The following SPATA6 variants were observed in gnomAD, a reference collection of about 807,000 sequenced individuals.
SPATA6 encodes spermatogenesis associated 6, also known as spermatogenesis-associated protein 6.
A neutral mutation model predicts 65.3 loss-of-function variants in SPATA6; 56 were observed. That is an observed-to-expected ratio of 0.86 (90% CI 0.69 to 1.07). The LOEUF (loss-of-function observed/expected upper bound fraction) is 1.07, where lower values mean the gene tolerates loss of function less well. Ranked by LOEUF, SPATA6 falls within the 50% of genes least tolerant of loss-of-function variation. The probability of loss-of-function intolerance (pLI) is 0.00; values close to 1 mark genes in which losing one functional copy is unlikely to be tolerated. For synonymous variants in SPATA6, 199 were observed against 213.2 expected (o/e 0.93, Z 0.58); for missense variants, 590 against 594.8 (o/e 0.99, Z 0.08).
chr1:48,387,820 C>T (rs1467960289), intron 8 of SPATA6, among the ~76,000 whole-genome samples: 5 of 152,202 alleles, frequency 3.3e-5, no homozygotes, highest in Non-Finnish European at 7.3e-5. Flanking sequence ...GTATACAACA[C>T]CTTCAAGCCT....
chr1:48,418,259 A>G (rs1465995594), intron 3 of SPATA6, among the ~76,000 whole-genome samples: 2 of 152,134 alleles, frequency 1.3e-5, no homozygotes, highest in South Asian at 2.1e-4. Flanking sequence ...TTATCAATAA[A>G]TGGAAGAACA....
chr1:48,335,419 A>G (rs1431297760), intron 11 of SPATA6, among the ~76,000 whole-genome samples: 1 of 152,106 alleles, frequency 6.6e-6, no homozygotes, highest in Non-Finnish European at 1.5e-5. Context: ...CCAAAATACC[A>G]TGGTACTCAT....
At chr1:48,267,763 T>G in the SPATA6 span, among the ~76,000 whole-genome samples, 1 of 133,512 alleles carries the variant, frequency 7.5e-6, no homozygotes, top group South Asian at 2.8e-4. Flanking sequence ...TTTTTTTTTT[T>G]TTTTTTTTTT....
chr1:48,451,597 A>G lies in SPATA6; in HGVS notation c.193T>C (p.Phe65Leu), dbSNP rs777508464. The G allele has an allele frequency of 9.9e-6, 16 of 1,612,168 alleles. No homozygotes were observed. The highest frequency in any genetic ancestry group is 1.4e-5 in the Non-Finnish European group (16 of 1,179,224). ...TCTCCAGGATCTACTGCGTCCGGGA[A>G]CACCTATAGTGAGACGATACAGGGA... ...FNARMVFEKV[F>L]PDAVDPGDVV... Residue 65 changes from phenylalanine to leucine, a missense_variant, in exon 3 of 13, where the codon TTC (phenylalanine) becomes CTC (leucine). Phe to Leu is a conservative substitution (Grantham distance 22, BLOSUM62 0). Transcript: ENST00000371847.
In SPATA6 at chr1:48,388,202, A is replaced by G. The variant is rs1372538848; in HGVS notation, c.869-2853T>C. On this transcript the variant is annotated intron_variant, in intron 8 of 12. Coordinates refer to ENST00000371847, the MANE Select transcript of SPATA6 (RefSeq NM_019073.4). ...CCACTAGTAATTGCACACTAAGCCA[A>G]TGAGCAAGTCTCAGATACCACGGAT... Among the ~76,000 whole-genome samples the G allele has an allele frequency of 2.6e-5, 4 of 152,104 alleles. No homozygotes were observed. In the South Asian group the frequency reaches 6.2e-4, roughly 24 times the overall value.
At chr1:48,373,474 C>G (rs1397097935) in intron 9 of SPATA6, among the ~76,000 whole-genome samples, 1 of 152,210 alleles carries the variant, frequency 6.6e-6, no homozygotes, top group South Asian at 2.1e-4. Context: ...TCCAAACTTT[C>G]CCACATTTTC....
chr1:48,376,825 T>A (rs2148874701), intron 9 of SPATA6, among the ~76,000 whole-genome samples: 1 of 152,294 alleles, frequency 6.6e-6, no homozygotes, highest in Non-Finnish European at 1.5e-5. Flanking sequence ...GCTACAAACC[T>A]GTACAACTTG....
chr1:48,466,813 T>G (rs1478333057), intron 1 of SPATA6, among the ~76,000 whole-genome samples: 1 of 152,006 alleles, frequency 6.6e-6, no homozygotes, highest in Non-Finnish European at 1.5e-5. Context: ...AGATGAGTAG[T>G]GACTGAAAGA....
At chr1:48,374,432 C>T (rs1647652892) in intron 9 of SPATA6, among the ~76,000 whole-genome samples, 1 of 152,122 alleles carries the variant, frequency 6.6e-6, no homozygotes, top group Admixed American at 6.5e-5. Context: ...GACATGAGAA[C>T]TGAGACCATT....
At chr1:48,469,477 TATATA>T (rs1658066756) in intron 1 of SPATA6, among the ~76,000 whole-genome samples, 3 of 7,052 alleles carry the variant, frequency 4.3e-4, no homozygotes, top group African/African-American at 1.0e-3. Flanking sequence ...TCTATTTATA[TATATA>T]TATATATATA....
At chr1:48,373,596 C>G (rs193117134) in intron 9 of SPATA6, among the ~76,000 whole-genome samples, 2 of 152,148 alleles carry the variant, frequency 1.3e-5, no homozygotes, top group Non-Finnish European at 1.5e-5. Flanking sequence ...CTACTGGTAA[C>G]AATTTACTGT....
chr1:48,331,842 C>T (rs1216800384), intron 11 of SPATA6, among the ~76,000 whole-genome samples: 4 of 152,302 alleles, frequency 2.6e-5, no homozygotes, highest in South Asian at 4.1e-4. Context: ...AGGTCACTCA[C>T]TAGGGGAACC....
intron 11 of SPATA6, among the ~76,000 whole-genome samples, chr1:48,339,564 T>C (rs181266594): frequency 2.0e-3 from 301 of 151,908 alleles, no homozygotes; most frequent in Admixed American, 6.6e-3. Flanking sequence ...CTTGGAAAAA[T>C]TGGTATCTAT....
chr1:48,330,829 T>C (rs1299718261), intron 11 of SPATA6, among the ~76,000 whole-genome samples: 1 of 151,928 alleles, frequency 6.6e-6, no homozygotes, highest in East Asian at 1.9e-4. Context: ...ACCCCATCTT[T>C]CTCCCAGGAA....
At chr1:48,400,306 T>C (rs34783397) in intron 6 of SPATA6, among the ~76,000 whole-genome samples, 72 of 151,942 alleles carry the variant, frequency 4.7e-4, no homozygotes, top group Non-Finnish European at 9.9e-4. Flanking sequence ...ATAAAAAGCA[T>C]TATAAACTTA....
chr1:48,352,572 G>A (rs953594565), intron 11 of SPATA6, among the ~76,000 whole-genome samples: 6 of 151,950 alleles, frequency 3.9e-5, no homozygotes, highest in Non-Finnish European at 8.8e-5. Flanking sequence ...ATAGGCATAA[G>A]ATACATATGA....
At chr1:48,462,808 C>T (rs935730112) in intron 1 of SPATA6, among the ~76,000 whole-genome samples, 6 of 151,996 alleles carry the variant, frequency 3.9e-5, no homozygotes, top group Non-Finnish European at 2.9e-5. Flanking sequence ...TTAAGGGATA[C>T]GTGAGTAGCT....
chr1:48,271,930 C>G, the SPATA6 span, among the ~76,000 whole-genome samples: 1 of 152,086 alleles, frequency 6.6e-6, no homozygotes, highest in African/African-American at 2.4e-5. Context: ...CATCAATAGT[C>G]AGGGTAAGCT....
chr1:48,278,900 T>C, the SPATA6 span, among the ~76,000 whole-genome samples: 20 of 151,920 alleles, frequency 1.3e-4, no homozygotes, highest in Admixed American at 7.2e-4. Flanking sequence ...AAAGTTTAAA[T>C]AAAGGCAAAA....
Sources: allele counts gnomAD v4.1 joint callset (sites outside exome capture counted in the v4.1 genomes callset), GRCh38; gene constraint gnomAD v4.1.1; transcripts MANE v1.5; gene names NCBI Gene and HGNC (gene_info 2026-07-23, HGNC 2026-07-21).